Variants in SEC23B observed in about 807,000 individuals in gnomAD.
SEC23B encodes SEC23 homolog B, COPII component.
A neutral mutation model predicts 104.3 loss-of-function variants in SEC23B; 77 were observed. The ratio of observed to expected loss-of-function variants is 0.74; its 90% CI spans 0.61 to 0.89. The LOEUF (loss-of-function observed/expected upper bound fraction) is 0.89, where lower values mean the gene tolerates loss of function less well. Ranked by LOEUF, SEC23B falls within the 40% of genes least tolerant of loss-of-function variation. The pLI is 0.00. For missense variants in SEC23B, 885 were observed against 949.4 expected (o/e 0.93, Z 0.89); for synonymous variants, 338 against 332.5 (o/e 1.02, Z -0.18).
chr20:18,554,128 C>A, intron 17 of SEC23B, 107 bp from the exon 18 acceptor site: 1 of 1,275,436 alleles, frequency 7.8e-7, no homozygotes, highest in Non-Finnish European at 1.1e-6. Context: ...TGATATTAGA[C>A]TTCTTCACTA....
At chr20:18,519,124 G>C (rs1241607110) in intron 4 of SEC23B, among the ~76,000 whole-genome samples, 4 of 152,276 alleles carry the variant, frequency 2.6e-5, no homozygotes, top group East Asian at 1.9e-4. Context: ...ATTAGGCCTG[G>C]TGGAACTGCC....
chr20:18,515,883 T>C, intron 4 of SEC23B, 147 bp downstream of exon 4: 1 of 679,480 alleles, frequency 1.5e-6, no homozygotes, highest in South Asian at 1.5e-5. Flanking sequence ...TGTGTGTGCA[T>C]CTACTGGCAT....
chr20:18,558,518 C>T (rs1436592117), intron 19 of SEC23B, among the ~76,000 whole-genome samples: 1 of 152,160 alleles, frequency 6.6e-6, no homozygotes, highest in African/African-American at 2.4e-5. Flanking sequence ...GCTCTCTTTT[C>T]TTTCTTTCTT....
At chr20:18,544,747 T>C (rs1234922008) in intron 14 of SEC23B, among the ~76,000 whole-genome samples, 1 of 152,160 alleles carries the variant, frequency 6.6e-6, no homozygotes, top group East Asian at 1.9e-4. Flanking sequence ...AGGCTATTGT[T>C]GTGAATGGAG....
At chr20:18,517,360 T>G (rs1328522738) in intron 4 of SEC23B, among the ~76,000 whole-genome samples, 1 of 152,154 alleles carries the variant, frequency 6.6e-6, no homozygotes, top group East Asian at 1.9e-4. Context: ...CAAAGACCCT[T>G]CTTAAGGGTG....
chr20:18,554,094 T>C, intron 17 of SEC23B, 141 bp from the exon 18 acceptor site: 1 of 977,956 alleles, frequency 1.0e-6, no homozygotes, highest in Non-Finnish European at 1.6e-6. Flanking sequence ...TCTGCTTTGC[T>C]CTCCCTCTGA....
Position 18,524,435 on chromosome 20 carries a change from A to G in SEC23B, c.369A>G (p.Arg123=). The part of the protein sequence containing the change: ...QFSTIEYVIQ[R]GAQSPLIFLY... ...ATGCTGTTTTTCTTTGCCCAAAGCG[A>G]GGTGCTCAGTCCCCTCTGATCTTTC... Residue 123 remains arginine, a splice_region_variant and synonymous_variant, in exon 5 of 20, where the codon CGA becomes CGG. Transcript: ENST00000650089. 1 of 1,612,496 alleles carries G rather than the reference A, an allele frequency of 6.2e-7. No homozygotes were observed. Among genetic ancestry groups the G allele is most frequent in the Non-Finnish European group, 8.5e-7 (1 of 1,178,506 alleles).
chr20:18,533,503 T>C (rs1417082563), intron 11 of SEC23B, among the ~76,000 whole-genome samples: 1 of 152,204 alleles, frequency 6.6e-6, no homozygotes, highest in African/African-American at 2.4e-5. Context: ...TTATTTGCTC[T>C]GTGATTCAGT....
At chr20:18,526,646 T>G (rs1449677438) in intron 8 of SEC23B, 115 bp downstream of exon 8, 2 of 1,106,522 alleles carry the variant, frequency 1.8e-6, no homozygotes, top group South Asian at 2.5e-5. Context: ...AGACGCTGTT[T>G]CAGAGACAGT....
chr20:18,536,877 T>C (rs1239243062), intron 12 of SEC23B, among the ~76,000 whole-genome samples: 1 of 152,132 alleles, frequency 6.6e-6, no homozygotes, highest in East Asian at 1.9e-4. Flanking sequence ...AAGAAAATCA[T>C]AAGGGAAGGA....
At chr20:18,513,827 T>G (rs1485046897) in intron 3 of SEC23B, among the ~76,000 whole-genome samples, 1 of 152,242 alleles carries the variant, frequency 6.6e-6, no homozygotes, top group African/African-American at 2.4e-5. Flanking sequence ...GCATAGTGGC[T>G]AAAGAGCCAG....
At position 18,510,860 on chromosome 20, in the gene SEC23B, C is replaced by G. The variant is rs139616572; in HGVS notation, c.25C>G (p.Gln9Glu). The G allele has an allele frequency of 5.6e-6, 9 of 1,614,014 alleles. No homozygotes were observed. In the African/African-American group the frequency reaches 1.2e-4, roughly 22 times the overall value. The change falls in exon 2 of 20, where the codon CAG becomes GAG. Residue 9 changes from glutamine to glutamate, a missense_variant. Gln to Glu is a conservative substitution (Grantham distance 29). Transcript: ENST00000650089. ...TATGGCGACATACCTGGAGTTCATC[C>G]AGCAGAATGAAGAACGGGATGGTGT... Reference protein sequence around the residue: MATYLEFIQQNEERDGVRF... With the variant: MATYLEFIEQNEERDGVRF...
At chr20:18,508,716 C>CTTTTTTT (rs398035473) in intron 1 of SEC23B, among the ~76,000 whole-genome samples, 1,140 of 97,268 alleles carry the variant, frequency 0.012, 30 homozygotes, top group East Asian at 0.016. Flanking sequence ...GCAGTAGCTT[C>CTTTTTTT]TTTTTTTTTT....
chr20:18,542,869 G>C, intron 13 of SEC23B, 150 bp from the exon 14 acceptor site: 1 of 921,580 alleles, frequency 1.1e-6, no homozygotes, highest in Non-Finnish European at 1.8e-6. Flanking sequence ...GAACTTCTAG[G>C]CTCAAGCAGT....
chr20:18,554,467 T>C, intron 18 of SEC23B, 77 bp downstream of exon 18: 5 of 1,512,542 alleles, frequency 3.3e-6, no homozygotes, highest in Non-Finnish European at 3.7e-6. Flanking sequence ...CTAAACAGGA[T>C]GGTTAATATT....
intron 14 of SEC23B, among the ~76,000 whole-genome samples, chr20:18,544,665 G>A (rs764976082): frequency 1.3e-4 from 20 of 152,156 alleles, no homozygotes; most frequent in African/African-American, 2.7e-4. Context: ...ATTGTTAAGC[G>A]GGGGTTTGAT....
In SEC23B at chr20:18,525,090, G is replaced by A. The variant is rs557326369; in HGVS notation, c.689+70G>A. On this transcript the variant is annotated intron_variant, in intron 6 of 19. Coordinates refer to ENST00000650089, the MANE Select transcript of SEC23B (RefSeq NM_006363.6). ...CAGATGATCCATGGGAGTAAGGGAA[G>A]AAAAATATTAGAATTTGTATTTTCT... 222 of 1,275,704 alleles carry A rather than the reference G, an allele frequency of 1.7e-4. No homozygotes were observed. The African/African-American group carries it at 3.0e-3, about 17-fold the overall frequency. 79.0% of individuals were successfully genotyped at this position (1,275,704 alleles called of 1,614,324 possible).
At chr20:18,515,911 A>C (rs562600473) in intron 4 of SEC23B, 175 bp downstream of exon 4, 151 of 637,036 alleles carry the variant, frequency 2.4e-4, no homozygotes, top group Non-Finnish European at 3.7e-4. Context: ...AAGTCCTGAC[A>C]TTATAGAAGG....
rs566619176 is a variant in SEC23B, at chr20:18,555,155, C to G, written c.2196C>G (p.Asn732Lys). ...SKVNPSQTHN[N>K]LYAWGQETGA... ...TGAACCCATCTCAGACACACAATAA[C>G]CTGTATGCTTGGGGACAGGTAAGAA... The change falls in exon 19 of 20, where the codon AAC becomes AAG. Residue 732 changes from asparagine (N) to lysine (K), a missense_variant. Physicochemically the swap from Asn to Lys is moderately conservative, Grantham distance 94. Coordinates refer to ENST00000650089, the MANE Select transcript of SEC23B (RefSeq NM_006363.6). 6.2e-7 allele frequency: 1 copy of G among 1,613,674 alleles called. No individual in the cohort carries two copies. The highest frequency in any genetic ancestry group is 8.5e-7 in the Non-Finnish European group (1 of 1,179,658).
Sources: gnomAD v4.1 joint callset for allele counts (sites outside exome capture counted in the v4.1 genomes callset) on GRCh38, gnomAD v4.1.1 for gene constraint, MANE v1.5 for transcripts, NCBI Gene and HGNC (gene_info 2026-07-23, HGNC 2026-07-21) for gene names.